The following ACYP2 variants were observed in gnomAD, a reference collection of about 807,000 sequenced individuals.
ACYP2 encodes the protein acylphosphatase-2.
Under a neutral mutation model 11.2 loss-of-function variants are expected in ACYP2, and 12 were observed. The ratio of observed to expected loss-of-function variants is 1.08; its 90% confidence interval spans 0.69 to 1.74. ACYP2 has a LOEUF of 1.74. Among genes scored for constraint, ACYP2 ranks in the 40% most tolerant of loss-of-function variants. The pLI, the probability that ACYP2 is intolerant of heterozygous loss-of-function variation, is 0.00. For synonymous variants in ACYP2, 43 were observed against 32.2 expected, an observed-to-expected ratio of 1.33 and a Z score of -1.13; for missense variants, 134 against 101.9, an observed-to-expected ratio of 1.31 and a Z score of -1.35.
chr2:54,007,807 G>T (rs1673159300), intron 2 of ACYP2, among the ~76,000 whole-genome samples: 1 of 152,174 alleles, frequency 6.6e-6, no homozygotes, highest in Non-Finnish European at 1.5e-5. Flanking sequence ...GGAGGTTGCA[G>T]TGAGCTGAGA....
At chr2:53,978,267 A>AC (rs1317142087) in intron 2 of ACYP2, among the ~76,000 whole-genome samples, 1 of 151,806 alleles carries the variant, frequency 6.6e-6, no homozygotes, top group Admixed American at 6.6e-5. Context: ...ATCTCAAAAA[A>AC]AAAAAAAAAA....
chr2:54,113,616 G>A (rs1679574970), intron 4 of ACYP2, among the ~76,000 whole-genome samples: 1 of 152,100 alleles, frequency 6.6e-6, no homozygotes, highest in Non-Finnish European at 1.5e-5. Flanking sequence ...TAATATGGAT[G>A]GCTGACTGTA....
At chr2:54,058,102 G>A (rs1862121) in intron 4 of ACYP2, among the ~76,000 whole-genome samples, 57,432 of 151,828 alleles carry the variant, frequency 0.38, 11,617 homozygotes, top group East Asian at 0.72. Context: ...GCAATGATTG[G>A]TCTCTTCCTA....
chr2:54,184,891 G>T (rs752013546), intron 6 of ACYP2, among the ~76,000 whole-genome samples: 1 of 149,432 alleles, frequency 6.7e-6, no homozygotes, highest in Admixed American at 6.7e-5. Flanking sequence ...CTGTCACCCA[G>T]GCTGGAGTGC....
chr2:54,212,681 C>T (rs1244037740), intron 6 of ACYP2, among the ~76,000 whole-genome samples: 1 of 152,230 alleles, frequency 6.6e-6, no homozygotes, highest in East Asian at 1.9e-4. Context: ...CATTAGTCAG[C>T]TCACCCATGT....
chr2:54,139,437 A>G (rs968735793), intron 6 of ACYP2, among the ~76,000 whole-genome samples: 11 of 152,246 alleles, frequency 7.2e-5, no homozygotes, highest in African/African-American at 2.2e-4. Context: ...ATTCAGTAAT[A>G]TGGGGAAAAA....
chr2:54,175,807 C>T (rs1187551616), intron 6 of ACYP2, among the ~76,000 whole-genome samples: 1 of 152,126 alleles, frequency 6.6e-6, no homozygotes, highest in Non-Finnish European at 1.5e-5. Flanking sequence ...TACACATGGT[C>T]CCTACTATGG....
At chr2:54,136,525 G>A (rs78416216) in intron 5 of ACYP2, among the ~76,000 whole-genome samples, 2,745 of 152,042 alleles carry the variant, frequency 0.018, 86 homozygotes, top group African/African-American at 0.063. Context: ...CTCCATTTTC[G>A]TTATTATCTA....
At chr2:54,117,931 C>T (rs1679908155) in intron 4 of ACYP2, among the ~76,000 whole-genome samples, 1 of 152,106 alleles carries the variant, frequency 6.6e-6, no homozygotes, top group Non-Finnish European at 1.5e-5. Flanking sequence ...CCTACCCTTT[C>T]CCCCCTGACT....
chr2:54,037,357 C>T lies in ACYP2; in HGVS notation c.63-13601C>T, dbSNP rs796301695. Among the ~76,000 whole-genome samples the T allele has an allele frequency of 3.9e-5, 6 of 152,246 alleles. 1 individual carries two copies. The highest frequency in any genetic ancestry group is 1.4e-4 in the African/African-American group (6 of 41,546). On this transcript the variant is annotated intron_variant, in intron 2 of 6. Transcript: ENST00000607452. ...CTCAAACTCCTGTTCTCAAGTGATC[C>T]ACCTGTCTCAGCTTCCCAAATTGCT...
At position 54,186,174 on chromosome 2, in the gene ACYP2, G is replaced by A. The variant is rs867603822; in HGVS notation, c.404+47426G>A. Among the ~76,000 whole-genome samples the A allele has an allele frequency of 3.3e-5, 5 of 152,056 alleles. No individual in the cohort carries two copies. In the South Asian group the frequency reaches 1.0e-3, roughly 31 times the overall value. On this transcript the variant is annotated intron_variant, in intron 6 of 6. Transcript: ENST00000607452. ...AAAAAGAATGCTAGCACAACATTGT[G>A]AATGACTAAATGTCATTGAGTAATT...
chr2:54,199,638 C>T (rs1353120659), intron 6 of ACYP2, among the ~76,000 whole-genome samples: 2 of 152,096 alleles, frequency 1.3e-5, no homozygotes, highest in Non-Finnish European at 2.9e-5. Flanking sequence ...GAAGAGAAAT[C>T]GAGGATGACT....
chr2:54,191,035 A>G lies in ACYP2; in HGVS notation c.404+52287A>G, dbSNP rs963536895. On this transcript the variant is annotated intron_variant, in intron 6 of 6. Transcript: ENST00000607452. ...CTTGCAAAATATATCTGGAATCTAG[A>G]TATCAATTTCTCATGCCCCCACTCC... Among the ~76,000 whole-genome samples the G allele has an allele frequency of 3.9e-5, 6 of 152,232 alleles. No homozygotes were observed. In the South Asian group the frequency reaches 6.2e-4, roughly 16 times the overall value.
intron 4 of ACYP2, among the ~76,000 whole-genome samples, chr2:54,075,445 C>T (rs547469442): frequency 6.7e-6 from 1 of 149,192 alleles, no homozygotes; most frequent in Non-Finnish European, 1.5e-5. Flanking sequence ...TTGCAGTGAG[C>T]AGAGATGGCA....
intron 6 of ACYP2, among the ~76,000 whole-genome samples, chr2:54,183,016 C>T (rs1373620018): frequency 6.6e-6 from 1 of 152,134 alleles, no homozygotes; most frequent in Non-Finnish European, 1.5e-5. Flanking sequence ...TTTGCCATCA[C>T]CACCATTTAA....
intron 4 of ACYP2, among the ~76,000 whole-genome samples, chr2:54,096,233 C>T (rs1353733154): frequency 8.9e-4 from 130 of 146,116 alleles, no homozygotes; most frequent in African/African-American, 3.3e-3. Context: ...ACCTCCCAGA[C>T]GGGGCGGCGG....
At chr2:54,107,051 A>G (rs561991360) in intron 4 of ACYP2, among the ~76,000 whole-genome samples, 8 of 152,288 alleles carry the variant, frequency 5.3e-5, no homozygotes, top group African/African-American at 1.9e-4. Flanking sequence ...CACCGAAATG[A>G]AAGACATTTA....
chr2:54,007,114 G>C (rs1419759680), intron 2 of ACYP2, among the ~76,000 whole-genome samples: 2 of 124,404 alleles, frequency 1.6e-5, no homozygotes, highest in Non-Finnish European at 3.2e-5. Flanking sequence ...ACTCCAGCCT[G>C]GGCAACAGAG....
chr2:54,214,311 T>G (rs572104604), intron 6 of ACYP2, among the ~76,000 whole-genome samples: 2 of 152,358 alleles, frequency 1.3e-5, no homozygotes, highest in South Asian at 4.1e-4. Flanking sequence ...ATGAAATCTT[T>G]GCCAGGGCCT....
Sources: gnomAD v4.1 joint callset for allele counts (sites outside exome capture counted in the v4.1 genomes callset) on GRCh38, gnomAD v4.1.1 for gene constraint, MANE v1.5 for transcripts, NCBI Gene and HGNC (gene_info 2026-07-23, HGNC 2026-07-21) for gene names.